CD109: variants seen among roughly 807,000 people sequenced by gnomAD.
CD109 encodes the protein CD109 antigen.
In CD109, 149 loss-of-function variants were observed where a neutral mutation model predicts 165.8. The observed-to-expected ratio is 0.90, with a 90% CI of 0.79 to 1.03. CD109 has a LOEUF of 1.03. Among genes scored for constraint, CD109 ranks in the 50% least tolerant of loss-of-function variants. The pLI is 0.00. For synonymous variants in CD109, 585 were observed against 592.1 expected (o/e 0.99, Z 0.18); for missense variants, 1,712 against 1,677.8 (o/e 1.02, Z -0.36).
At chr6:73,784,143 G>A (rs994966821) in intron 19 of CD109, among the ~76,000 whole-genome samples, 1 of 152,098 alleles carries the variant, frequency 6.6e-6, no homozygotes, top group Non-Finnish European at 1.5e-5. Context: ...GAGAGAGAGT[G>A]AGTCTTTCTA....
At chr6:73,710,322 T>C (rs1412474240) in intron 2 of CD109, among the ~76,000 whole-genome samples, 1 of 152,170 alleles carries the variant, frequency 6.6e-6, no homozygotes, top group Non-Finnish European at 1.5e-5. Context: ...AGCCAAATCA[T>C]GAGTGAACTC....
At position 73,730,334 on chromosome 6, in the gene CD109, T is replaced by A; in HGVS notation, c.277-10T>A. Reference sequence around the variant, plus strand: ...TGAGACCTTGATGTGTGATCTCTTTTTCCCCCCAGCTACCTCTGAACAGTG... The same window carrying A: ...TGAGACCTTGATGTGTGATCTCTTTATCCCCCCAGCTACCTCTGAACAGTG... On this transcript the variant is annotated splice_polypyrimidine_tract_variant and intron_variant, in intron 3 of 32. Coordinates refer to ENST00000287097, the MANE Select transcript of CD109 (RefSeq NM_133493.5). 6.4e-7 allele frequency: 1 copy of A among 1,552,966 alleles called. No homozygotes were observed.
At position 73,711,688 on chromosome 6, in the gene CD109, T is replaced by C. The variant is rs1205929844; in HGVS notation, c.248-11563T>C. Among the ~76,000 whole-genome samples the C allele has an allele frequency of 7.0e-4, 25 of 35,882 alleles. 10 individuals are homozygous for C. Among genetic ancestry groups the C allele is most frequent in the South Asian group, 1.9e-3 (3 of 1,570 alleles). The allele number at this position is 35,882 out of a possible 152,430, so 23.5% of individuals were successfully genotyped here. On this transcript the variant is annotated intron_variant, in intron 2 of 32. Coordinates refer to ENST00000287097, the MANE Select transcript of CD109 (RefSeq NM_133493.5). ...AGCTGGGACTACAGGCGCCCGCCAC[T>C]ACGCCCGGCTAATTTTTTTTTTGTA...
chr6:73,820,731 T>C (rs1776079134), intron 32 of CD109, among the ~76,000 whole-genome samples, 168 bp downstream of exon 32: 1 of 152,230 alleles, frequency 6.6e-6, no homozygotes, highest in South Asian at 2.1e-4. Flanking sequence ...CAGTGAAGAC[T>C]ATTGATAATT....
intron 5 of CD109, among the ~76,000 whole-genome samples, chr6:73,749,412 T>G (rs539322884): frequency 6.6e-6 from 1 of 152,220 alleles, no homozygotes; most frequent in East Asian, 1.9e-4. Flanking sequence ...GGCTCTGAGC[T>G]GGCTGACAGG....
At chr6:73,699,033 C>G (rs990618855) in intron 2 of CD109, among the ~76,000 whole-genome samples, 1 of 152,140 alleles carries the variant, frequency 6.6e-6, no homozygotes, top group Admixed American at 6.5e-5. Context: ...GAAGAGGATG[C>G]AGAAAGTCCA....
At chr6:73,712,775 G>C (rs1771586564) in intron 2 of CD109, among the ~76,000 whole-genome samples, 1 of 152,192 alleles carries the variant, frequency 6.6e-6, no homozygotes, top group Non-Finnish European at 1.5e-5. Context: ...CCCTGGGAAG[G>C]AGAAAGCATC....
intron 5 of CD109, among the ~76,000 whole-genome samples, chr6:73,739,445 A>G (rs1364942691): frequency 2.0e-5 from 3 of 152,192 alleles, no homozygotes; most frequent in Non-Finnish European, 2.9e-5. Flanking sequence ...AATAACATAG[A>G]GGAAATGTAT....
intron 5 of CD109, among the ~76,000 whole-genome samples, chr6:73,740,213 G>GA (rs893079389): frequency 6.6e-6 from 1 of 152,066 alleles, no homozygotes; most frequent in Non-Finnish European, 1.5e-5. Context: ...TTTGTCTGTA[G>GA]AAAAAATATG....
chr6:73,750,831 C>G (rs960460426), intron 5 of CD109, among the ~76,000 whole-genome samples: 2 of 151,960 alleles, frequency 1.3e-5, no homozygotes, highest in Admixed American at 1.3e-4. Flanking sequence ...ATTTTTGTGC[C>G]ATTTTGTCCT....
At chr6:73,734,168 T>C (rs1235187633) in intron 4 of CD109, among the ~76,000 whole-genome samples, 1 of 152,214 alleles carries the variant, frequency 6.6e-6, no homozygotes, top group Admixed American at 6.5e-5. Context: ...TCCCTCTGCC[T>C]TATTGGTAAC....
At chr6:73,743,574 CCAGCCTCTGCCTGGGT>C (rs1772870319) in intron 5 of CD109, among the ~76,000 whole-genome samples, 1 of 152,132 alleles carries the variant, frequency 6.6e-6, no homozygotes, top group Non-Finnish European at 1.5e-5. Context: ...GACTTGTTGT[CCAGCCTCTGCCTGGGT>C]CAGCTTGCTG....
chr6:73,725,495 A>G (rs12524953), intron 3 of CD109, among the ~76,000 whole-genome samples: 1 of 126,292 alleles, frequency 7.9e-6, no homozygotes, highest in South Asian at 2.5e-4. Context: ...AAATTTGTCT[A>G]CTACACTTCT....
chr6:73,809,885 C>G, intron 26 of CD109, 99 bp from the exon 27 acceptor site: 1 of 817,464 alleles, frequency 1.2e-6, no homozygotes, highest in Non-Finnish European at 1.9e-6. Context: ...ATTTTTTATG[C>G]TAGTTAAGTA....
At position 73,812,236 on chromosome 6, in the gene CD109, T is replaced by A; in HGVS notation, c.3734T>A (p.Ile1245Asn). ...GTGGTACAGCCAACGGCAGTTAATA[T>A]TTCCGCAAATGGTTTTGGATTTGCT... ...LAVVQPTAVNISANGFGFAIC... is the reference protein window; with the variant it reads ...LAVVQPTAVNNSANGFGFAIC... The change falls in exon 29 of 33, where the codon ATT becomes AAT. Residue 1245 changes from isoleucine to asparagine, a missense_variant. By Grantham distance (149) the Ile-to-Asn change is moderately radical. Transcript: ENST00000287097. 1 of 1,610,356 alleles carries A rather than the reference T, an allele frequency of 6.2e-7. No individual in the cohort carries two copies. The highest frequency in any genetic ancestry group is 8.5e-7 in the Non-Finnish European group (1 of 1,177,796).
chr6:73,757,855 TTA>T (rs1310849635), intron 6 of CD109, among the ~76,000 whole-genome samples: 1 of 152,232 alleles, frequency 6.6e-6, no homozygotes, highest in African/African-American at 2.4e-5. Flanking sequence ...GGCTCCCATT[TTA>T]TGTCTTTTAG....
intron 2 of CD109, among the ~76,000 whole-genome samples, chr6:73,714,623 A>G (rs1771657029): frequency 6.6e-6 from 1 of 152,248 alleles, no homozygotes; most frequent in Admixed American, 6.5e-5. Flanking sequence ...AACTTCAAAC[A>G]TGTCAAAACT....
intron 22 of CD109, among the ~76,000 whole-genome samples, chr6:73,790,860 G>A (rs1379580835): frequency 2.0e-5 from 3 of 151,934 alleles, no homozygotes; most frequent in Non-Finnish European, 4.4e-5. Flanking sequence ...CAGAAGCAAT[G>A]CTTAATCTAG....
intron 4 of CD109, among the ~76,000 whole-genome samples, chr6:73,731,949 C>T (rs1239183015): frequency 6.6e-6 from 1 of 152,156 alleles, no homozygotes; most frequent in Non-Finnish European, 1.5e-5. Flanking sequence ...CTGCTTAATA[C>T]TCTGATGATT....
Sources: gnomAD v4.1 joint callset for allele counts (sites outside exome capture counted in the v4.1 genomes callset) on GRCh38, gnomAD v4.1.1 for gene constraint, MANE v1.5 for transcripts, NCBI Gene and HGNC (gene_info 2026-07-23, HGNC 2026-07-21) for gene names.